Variants in RGS7BP observed in about 807,000 individuals in gnomAD.
RGS7BP encodes regulator of G protein signaling 7-binding protein.
In RGS7BP, 9 loss-of-function variants were observed where a neutral mutation model predicts 31.3. The ratio of observed to expected loss-of-function variants is 0.29; its 90% CI spans 0.17 to 0.50. The LOEUF is 0.50. Ranked by LOEUF, RGS7BP falls within the 20% of genes least tolerant of loss-of-function variation. The pLI is 0.98. For missense variants in RGS7BP, 274 were observed against 322.0 expected (o/e 0.85, Z 1.14); for synonymous variants, 115 against 120.1 (o/e 0.96, Z 0.28).
At chr5:64,591,797 A>G (rs1742925416) in intron 3 of RGS7BP, among the ~76,000 whole-genome samples, 1 of 152,234 alleles carries the variant, frequency 6.6e-6, no homozygotes, top group African/African-American at 2.4e-5. Context: ...AGTAAGTTGT[A>G]TAACAACATA....
intron 2 of RGS7BP, among the ~76,000 whole-genome samples, chr5:64,568,258 G>A (rs766291838): frequency 3.3e-5 from 5 of 152,034 alleles, no homozygotes; most frequent in Admixed American, 6.6e-5. Flanking sequence ...TCTATCAGTC[G>A]CAGGCCTGTC....
intron 2 of RGS7BP, among the ~76,000 whole-genome samples, chr5:64,561,231 C>T (rs1317831728): frequency 6.6e-6 from 1 of 152,100 alleles, no homozygotes; most frequent in African/African-American, 2.4e-5. Flanking sequence ...AGTTGAAGAA[C>T]TAGGAGTAGG....
At chr5:64,583,204 G>A (rs1220992980) in intron 3 of RGS7BP, among the ~76,000 whole-genome samples, 8 of 152,012 alleles carry the variant, frequency 5.3e-5, no homozygotes, top group African/African-American at 1.2e-4. Flanking sequence ...CCCGGCCGAC[G>A]TGGTGAAACC....
chr5:64,607,658 A>G (rs1434829973), intron 5 of RGS7BP, among the ~76,000 whole-genome samples: 4 of 152,028 alleles, frequency 2.6e-5, no homozygotes, highest in Admixed American at 6.6e-5. Flanking sequence ...AAAATAGATT[A>G]TAAATGCTTC....
chr5:64,606,017 G>C (rs1347996821), intron 5 of RGS7BP, among the ~76,000 whole-genome samples: 1 of 131,174 alleles, frequency 7.6e-6, no homozygotes, highest in Non-Finnish European at 1.6e-5. Flanking sequence ...TGTATATCTG[G>C]ATACATATAT....
intron 3 of RGS7BP, 83 bp from the exon 4 acceptor site, chr5:64,594,627 C>A: frequency 7.3e-7 from 1 of 1,376,866 alleles, no homozygotes; most frequent in East Asian, 2.3e-5. Context: ...CATAGCCAAC[C>A]TTAGCACTGA....
At chr5:64,582,965 T>A (rs1742641905) in intron 3 of RGS7BP, among the ~76,000 whole-genome samples, 1 of 152,100 alleles carries the variant, frequency 6.6e-6, no homozygotes, top group Non-Finnish European at 1.5e-5. Context: ...TTAGAAGAAA[T>A]AAAGCAGAAT....
intron 3 of RGS7BP, among the ~76,000 whole-genome samples, chr5:64,582,937 C>T (rs1437401796): frequency 6.6e-6 from 1 of 152,124 alleles, no homozygotes; most frequent in Non-Finnish European, 1.5e-5. Flanking sequence ...GCAATTGATA[C>T]TAAAATAGAA....
intron 2 of RGS7BP, among the ~76,000 whole-genome samples, chr5:64,538,495 C>A (rs1413523554): frequency 1.2e-5 from 1 of 83,842 alleles, no homozygotes; most frequent in Non-Finnish European, 2.6e-5. Context: ...ATTTTTTTTC[C>A]TTTTCTTTTC....
intron 3 of RGS7BP, among the ~76,000 whole-genome samples, chr5:64,584,778 T>C (rs1174166855): frequency 6.6e-6 from 1 of 152,252 alleles, no homozygotes. Flanking sequence ...ATGGGAAGAA[T>C]GGAGCTCCGG....
At chr5:64,577,069 A>G (rs960002143) in intron 3 of RGS7BP, among the ~76,000 whole-genome samples, 1 of 67,874 alleles carries the variant, frequency 1.5e-5, no homozygotes, top group African/African-American at 7.2e-5. Flanking sequence ...TGAGGAAGCA[A>G]TTAAAGGAAA....
intron 2 of RGS7BP, among the ~76,000 whole-genome samples, chr5:64,514,895 A>G (rs272627): frequency 0.33 from 49,724 of 152,110 alleles, 8,446 homozygotes; most frequent in Admixed American, 0.39. Context: ...ATATGGCATC[A>G]AGACAAGTGT....
Position 64,559,189 on chromosome 5 carries a change from A to C in RGS7BP, c.333-16585A>C, listed in dbSNP as rs188124017. 7.1e-3 allele frequency among the ~76,000 whole-genome samples: 1,086 copies of C among 152,282 alleles called. 10 individuals are homozygous for C. The highest frequency in any genetic ancestry group is 0.024 in the African/African-American group (999 of 41,574). On this transcript the variant is annotated intron_variant, in intron 2 of 5. Transcript: ENST00000334025. Reference sequence around the variant, plus strand: ...TACTTTTACAACTCTGGGGCATCACAGAACCTGCTGACATGTGATGTCTCC... The same window carrying C: ...TACTTTTACAACTCTGGGGCATCACCGAACCTGCTGACATGTGATGTCTCC...
Position 64,506,364 on chromosome 5 carries a change from G to T in RGS7BP, c.-261G>T, listed in dbSNP as rs1748677487. ...GCGCCAGCGCCCAGCTCCCGGGACA[G>T]GGTCGGCAATGCTGCTGAGCAGAAC... On this transcript the variant is annotated 5_prime_UTR_variant, in exon 1 of 6. The change creates a new upstream start codon in the 5' untranslated region. Transcript: ENST00000334025. The surrounding 1 kb of genome is among the most constrained non-coding windows in gnomAD (Gnocchi z 4.6). The T allele has an allele frequency of 5.7e-6, 2 of 352,998 alleles. No homozygotes were observed. The highest frequency in any genetic ancestry group is 5.1e-6 in the Non-Finnish European group (1 of 197,088). The allele number at this position is 352,998 out of a possible 1,614,324, so 21.9% of individuals were successfully genotyped here.
chr5:64,564,107 G>A (rs1476646146), intron 2 of RGS7BP, among the ~76,000 whole-genome samples: 5 of 152,130 alleles, frequency 3.3e-5, no homozygotes, highest in Non-Finnish European at 7.4e-5. Context: ...AGCCAAGATT[G>A]AAGTGGTTAT....
chr5:64,596,607 G>A (rs1408414958), intron 4 of RGS7BP, among the ~76,000 whole-genome samples: 2 of 152,150 alleles, frequency 1.3e-5, no homozygotes, highest in African/African-American at 4.8e-5. Context: ...ACTTGTGGAG[G>A]TGGGGCCACA....
rs529078893 is a variant in RGS7BP, at chr5:64,533,691, T to C, written c.332+25814T>C. ...CAAGAGACCCAGATTTTAACAACAA[T>C]TTCACATACATTCAAAGCTTTATGC... On this transcript the variant is annotated intron_variant, in intron 2 of 5. Coordinates refer to ENST00000334025, the MANE Select transcript of RGS7BP (RefSeq NM_001029875.3). 2.6e-5 allele frequency among the ~76,000 whole-genome samples: 4 copies of C among 152,362 alleles called. 1 individual carries two copies. The highest frequency in any genetic ancestry group is 9.6e-5 in the African/African-American group (4 of 41,594).
At chr5:64,563,761 G>A (rs1001863440) in intron 2 of RGS7BP, among the ~76,000 whole-genome samples, 7 of 152,110 alleles carry the variant, frequency 4.6e-5, no homozygotes, top group African/African-American at 1.7e-4. Context: ...TACACAATAC[G>A]ATTACTTTCT....
chr5:64,522,695 T>C (rs1250938503), intron 2 of RGS7BP, among the ~76,000 whole-genome samples: 1 of 152,246 alleles, frequency 6.6e-6, no homozygotes, highest in Non-Finnish European at 1.5e-5. Flanking sequence ...AATCTTTTGT[T>C]TTCTGAGGAT....
Sources: allele counts gnomAD v4.1 joint callset (sites outside exome capture counted in the v4.1 genomes callset), GRCh38; gene constraint gnomAD v4.1.1; non-coding constraint Gnocchi (gnomAD v3.1); transcripts MANE v1.5; gene names NCBI Gene and HGNC (gene_info 2026-07-23, HGNC 2026-07-21).